Variants in ULBP3 observed in about 807,000 individuals in gnomAD.
ULBP3 encodes UL16 binding protein 3.
In ULBP3, 25 loss-of-function variants were observed where a neutral mutation model predicts 24.9. The observed-to-expected ratio is 1.00, with a 90% CI of 0.73 to 1.40. The LOEUF is 1.40. ULBP3 is among the 40% of genes most tolerant of loss of function. ULBP3 has a pLI of 0.00. For missense variants in ULBP3, 306 were observed against 307.5 expected (o/e 1.00, Z 0.04); for synonymous variants, 114 against 114.7 (o/e 0.99, Z 0.04).
intron 4 of ULBP3, among the ~76,000 whole-genome samples, chr6:150,064,047 C>T (rs1776310469): frequency 6.6e-6 from 1 of 152,242 alleles, no homozygotes; most frequent in African/African-American, 2.4e-5. Context: ...TCCACCTTAA[C>T]TGCTGGGACT....
intron 1 of ULBP3, 132 bp from the exon 2 acceptor site, chr6:150,066,294 T>A: frequency 9.4e-7 from 1 of 1,061,824 alleles, no homozygotes; most frequent in Non-Finnish European, 1.3e-6. Flanking sequence ...CGGTGGTCTC[T>A]GCCTGTGGAG....
In ULBP3 at chr6:150,065,324, A is replaced by T. The variant is rs967622148; in HGVS notation, c.628+74T>A. The T allele has an allele frequency of 2.6e-5, 41 of 1,581,282 alleles. No homozygotes were observed. In the African/African-American group the frequency reaches 5.4e-4, roughly 21 times the overall value. On this transcript the variant is annotated intron_variant, in intron 3 of 4. Coordinates refer to ENST00000367339, the MANE Select transcript of ULBP3 (RefSeq NM_024518.3). ...ACACCCATACACCCACACCCACCAT[A>T]CTCAGACACTGACAGACAAGGGTGT...
chr6:150,062,035 GTGTC>G lies in ULBP3; in HGVS notation c.*1335_*1338del, dbSNP rs1406330417. 2.6e-5 allele frequency among the ~76,000 whole-genome samples: 4 copies of G among 152,308 alleles called. No individual in the cohort carries two copies. The highest frequency in any genetic ancestry group is 2.1e-4 in the South Asian group (1 of 4,824). Reference sequence around the variant, plus strand: ...CCACTTGTATGTCTTCTTTTGAAAAGTGTCTGTTCATGTCTTTGCACATTTTTTA... The same window carrying G: ...CCACTTGTATGTCTTCTTTTGAAAAGTGTTCATGTCTTTGCACATTTTTTA... On this transcript the variant is annotated 3_prime_UTR_variant, in exon 5 of 5. Coordinates refer to ENST00000367339, the MANE Select transcript of ULBP3 (RefSeq NM_024518.3).
Position 150,061,547 on chromosome 6 carries a change from C to T in ULBP3, c.*1827G>A, listed in dbSNP as rs986524929. 1.3e-5 allele frequency among the ~76,000 whole-genome samples: 2 copies of T among 152,156 alleles called. No homozygotes were observed. The highest frequency in any genetic ancestry group is 4.8e-5 in the African/African-American group (2 of 41,420). On this transcript the variant is annotated 3_prime_UTR_variant, in exon 5 of 5. Transcript: ENST00000367339. ...TGCATTAGGTTGCTTAGGATAATAG[C>T]CTCTAGTTCCATCCATGTTGCTGAA...
chr6:150,062,364 C>T lies in ULBP3; in HGVS notation c.*1010G>A, dbSNP rs554067811. ...AGGATTTTCACAGTTTTATTACCTG[C>T]GCAACATAGGAAGACCCAATCTCTA... On this transcript the variant is annotated 3_prime_UTR_variant, in exon 5 of 5. Coordinates refer to ENST00000367339, the MANE Select transcript of ULBP3 (RefSeq NM_024518.3). Among the ~76,000 whole-genome samples, 1 of 152,214 alleles carries T rather than the reference C, an allele frequency of 6.6e-6. No homozygotes were observed. Among genetic ancestry groups the T allele is most frequent in the Non-Finnish European group, 1.5e-5 (1 of 68,014 alleles).
chr6:150,066,104 C>T lies in ULBP3; in HGVS notation c.147G>A (p.Gln49=). ...TIIHLPRHGQ[Q]WCEVQSQVDQ... is the part of the protein sequence containing the mutation. ...CCACCTGGCTCTGGACCTCACACCA[C>T]TGTTGCCCATGTCTGGGCAAATGAA... Residue 49 remains glutamine (Q), a synonymous_variant, in exon 2 of 5, where the codon CAG becomes CAA. Transcript: ENST00000367339. The T allele has an allele frequency of 6.2e-7, 1 of 1,614,190 alleles. No individual in the cohort carries two copies. The highest frequency in any genetic ancestry group is 8.5e-7 in the Non-Finnish European group (1 of 1,180,026).
rs763120446 is a variant in ULBP3, at chr6:150,065,670, G to C, written c.356C>G (p.Pro119Arg). 6.2e-7 allele frequency: 1 copy of C among 1,613,966 alleles called. No homozygotes were observed. Among genetic ancestry groups the C allele is most frequent in the South Asian group, 1.1e-5 (1 of 91,076 alleles). Residue 119 changes from proline (P) to arginine (R), a missense_variant, in exon 3 of 5, where the codon CCC (proline) becomes CGC (arginine). Pro to Arg is a moderately radical substitution (Grantham distance 103). Coordinates refer to ENST00000367339, the MANE Select transcript of ULBP3 (RefSeq NM_024518.3). ...AGACATCCTGACCTGCAGCGTGAGG[G>C]GTCCTGCCCCAATCAGAAAGAGATC... ...TELEDFTPSG[P>R]LTLQVRMSCE...
intron 4 of ULBP3, among the ~76,000 whole-genome samples, chr6:150,064,214 TCTC>T (rs879792607): frequency 1.3e-5 from 2 of 152,064 alleles, no homozygotes; most frequent in African/African-American, 2.4e-5. Context: ...ATGCTACTCC[TCTC>T]CTACTGTGCA....
chr6:150,066,002 A>C lies in ULBP3; in HGVS notation c.249T>G (p.Tyr83Ter), dbSNP rs1776340825. 6 of 1,614,074 alleles carry C rather than the reference A, an allele frequency of 3.7e-6. No homozygotes were observed. Among genetic ancestry groups the C allele is most frequent in the Non-Finnish European group, 5.1e-6 (6 of 1,180,046 alleles). The change falls in exon 2 of 5, where the codon TAT (tyrosine) becomes TAG (stop). Residue 83 changes from tyrosine to a stop codon, truncating the protein, a stop_gained. Transcript: ENST00000367339. LOFTEE classifies it high-confidence loss of function. ...LSMGHLEEQLYATDAWGKQLE... is the reference protein window; with the variant it reads ...LSMGHLEEQL ...GTTGTTTTCCCCAGGCATCTGTGGC[A>C]TACAGCTGCTCTTCTAGGTGACCCA...
At chr6:150,064,324 C>A (rs1776314876) in intron 4 of ULBP3, among the ~76,000 whole-genome samples, 3 of 152,166 alleles carry the variant, frequency 2.0e-5, no homozygotes, top group Non-Finnish European at 4.4e-5. Context: ...CTGTCTAAAC[C>A]CTCTTGAACT....
intron 1 of ULBP3, among the ~76,000 whole-genome samples, chr6:150,066,778 G>C (rs1776353697): frequency 6.6e-6 from 1 of 152,166 alleles, no homozygotes; most frequent in Non-Finnish European, 1.5e-5. Context: ...CTCAAGGGAA[G>C]CCTGGAAGAC....
rs761037114 is a variant in ULBP3, at chr6:150,066,175, A to AG, written c.89-14_89-13insC. The AG allele has an allele frequency of 1.1e-5, 17 of 1,609,776 alleles. No individual in the cohort carries two copies. The highest frequency in any genetic ancestry group is 2.2e-5 in the South Asian group (2 of 90,566). ...AGAGAGTGAGCGTCTAAGGAAAAAA[A>AG]AAAAAAACACCAGAGAGTGTTGGGG... On this transcript the variant is annotated splice_polypyrimidine_tract_variant and intron_variant, in intron 1 of 4. Transcript: ENST00000367339.
chr6:150,066,115 G>A lies in ULBP3; in HGVS notation c.136C>T (p.His46Tyr), dbSNP rs772951130. The change falls in exon 2 of 5, where the codon CAT becomes TAT. Residue 46 changes from histidine to tyrosine, a missense_variant. Transcript: ENST00000367339. ...YNFTIIHLPRHGQQWCEVQSQ... is the reference protein window; with the variant it reads ...YNFTIIHLPRYGQQWCEVQSQ... ...TGGACCTCACACCACTGTTGCCCAT[G>A]TCTGGGCAAATGAATGATGGTGAAG... 22 of 1,614,072 alleles carry A rather than the reference G, an allele frequency of 1.4e-5. No individual in the cohort carries two copies. In the South Asian group the frequency reaches 2.0e-4, roughly 14 times the overall value.
At chr6:150,067,735 A>T (rs1776368130) in intron 1 of ULBP3, among the ~76,000 whole-genome samples, 1 of 152,176 alleles carries the variant, frequency 6.6e-6, no homozygotes, top group African/African-American at 2.4e-5. Flanking sequence ...CTGCCACTAC[A>T]GCTATTTGAC....
chr6:150,062,725 C>G lies in ULBP3; in HGVS notation c.*649G>C, dbSNP rs975308210. Among the ~76,000 whole-genome samples the G allele has an allele frequency of 3.9e-5, 6 of 152,286 alleles. No homozygotes were observed. On this transcript the variant is annotated 3_prime_UTR_variant, in exon 5 of 5. Coordinates refer to ENST00000367339, the MANE Select transcript of ULBP3 (RefSeq NM_024518.3). ...CAATCAAAGAAGTAGAAAGAAAATG[C>G]CTTTTGCTGGGATTTCTTGTTCAGT... is the stretch of plus-strand genomic sequence containing the variant.
chr6:150,068,859 G>A (rs1776386446), intron 1 of ULBP3, 120 bp downstream of exon 1: 2 of 1,044,780 alleles, frequency 1.9e-6, no homozygotes, highest in East Asian at 2.8e-5. Flanking sequence ...CTGAGCGTGG[G>A]GGCAGTCCGG....
At position 150,062,667 on chromosome 6, in the gene ULBP3, A is replaced by G. The variant is rs1776287445; in HGVS notation, c.*707T>C. Among the ~76,000 whole-genome samples, 1 of 152,252 alleles carries G rather than the reference A, an allele frequency of 6.6e-6. No homozygotes were observed. The highest frequency in any genetic ancestry group is 6.5e-5 in the Admixed American group (1 of 15,288). ...ACTAGCAATACCGTTTCGAAGAATA[A>G]GGTCATGCTTCAGAGAAATGTCTGC... On this transcript the variant is annotated 3_prime_UTR_variant, in exon 5 of 5. Transcript: ENST00000367339.
At position 150,066,109 on chromosome 6, in the gene ULBP3, GCCC is replaced by G; in HGVS notation, c.139_141del (p.Gly47del). 1.2e-6 allele frequency: 2 copies of G among 1,614,196 alleles called. No homozygotes were observed. Among genetic ancestry groups the G allele is most frequent in the Non-Finnish European group, 1.7e-6 (2 of 1,180,048 alleles). On this transcript the variant is annotated inframe_deletion, in exon 2 of 5. Coordinates refer to ENST00000367339, the MANE Select transcript of ULBP3 (RefSeq NM_024518.3). ...TGGCTCTGGACCTCACACCACTGTTGCCCATGTCTGGGCAAATGAATGATGGTG... is the reference window on the plus strand; with the variant it reads ...TGGCTCTGGACCTCACACCACTGTTGATGTCTGGGCAAATGAATGATGGTG...
rs775093460 is a variant in ULBP3, at chr6:150,062,182, T to C, written c.*1192A>G. 4.6e-5 allele frequency among the ~76,000 whole-genome samples: 7 copies of C among 152,242 alleles called. No individual in the cohort carries two copies. The highest frequency in any genetic ancestry group is 8.8e-5 in the Non-Finnish European group (6 of 68,046). ...TTCCCCATTCTACACGCTGTCTGTTTACCGTGTTGCTAGTTTCTTTTTCTG... is the reference window on the plus strand; with the variant it reads ...TTCCCCATTCTACACGCTGTCTGTTCACCGTGTTGCTAGTTTCTTTTTCTG... On this transcript the variant is annotated 3_prime_UTR_variant, in exon 5 of 5. Coordinates refer to ENST00000367339, the MANE Select transcript of ULBP3 (RefSeq NM_024518.3).
Sources: gnomAD v4.1 joint callset for allele counts (sites outside exome capture counted in the v4.1 genomes callset) on GRCh38, gnomAD v4.1.1 for gene constraint, MANE v1.5 for transcripts, NCBI Gene and HGNC (gene_info 2026-07-23, HGNC 2026-07-21) for gene names.